LMBRD2: variants seen among roughly 807,000 people sequenced by gnomAD.
LMBRD2 encodes the protein LMBR1 domain containing 2.
Under a neutral mutation model 94.4 loss-of-function variants are expected in LMBRD2, and 55 were observed. The ratio of observed to expected loss-of-function variants is 0.58; its 90% CI spans 0.47 to 0.73. The LOEUF (loss-of-function observed/expected upper bound fraction) is 0.73. Ranked by LOEUF, LMBRD2 falls within the 30% of genes least tolerant of loss-of-function variation. The pLI, the probability that LMBRD2 is intolerant of heterozygous loss-of-function variation, is 0.00. For missense variants in LMBRD2, 640 were observed against 831.9 expected, an observed-to-expected ratio of 0.77 and a Z score of 2.84; for synonymous variants, 246 against 272.4, an observed-to-expected ratio of 0.90 and a Z score of 0.95.
At chr5:36,127,029 T>C (rs2111882091) in intron 6 of LMBRD2, among the ~76,000 whole-genome samples, 1 of 152,358 alleles carries the variant, frequency 6.6e-6, no homozygotes, top group African/African-American at 2.4e-5. Flanking sequence ...CATTATTCAG[T>C]AGTGATACCT....
intron 7 of LMBRD2, among the ~76,000 whole-genome samples, chr5:36,123,949 C>A (rs926402869): frequency 6.6e-6 from 1 of 151,770 alleles, no homozygotes; most frequent in Non-Finnish European, 1.5e-5. Flanking sequence ...ATTGTCATGA[C>A]AATCCTTATA....
intron 6 of LMBRD2, among the ~76,000 whole-genome samples, chr5:36,135,347 A>G (rs1385143172): frequency 3.3e-5 from 5 of 152,214 alleles, no homozygotes; most frequent in African/African-American, 9.6e-5. Flanking sequence ...GGCAAATAGT[A>G]AGTCTATATA....
At chr5:36,150,640 CA>C (rs1169213101) in intron 1 of LMBRD2, among the ~76,000 whole-genome samples, 2 of 152,346 alleles carry the variant, frequency 1.3e-5, no homozygotes, top group East Asian at 3.9e-4. Flanking sequence ...CAGGATATTG[CA>C]TTTTAAAATG....
At chr5:36,124,145 T>A (rs766293554) in intron 7 of LMBRD2, 46 bp downstream of exon 7, 1 of 1,091,742 alleles carries the variant, frequency 9.2e-7, no homozygotes, top group South Asian at 1.4e-5. Context: ...TATAATATTA[T>A]ATAAGTGTAT....
chr5:36,101,723 T>C lies in LMBRD2; in HGVS notation c.*2323A>G, dbSNP rs1743349692. The C allele has an allele frequency of 6.6e-6, 1 of 151,882 alleles. No individual in the cohort carries two copies. The highest frequency in any genetic ancestry group is 1.5e-5 in the Non-Finnish European group (1 of 67,832). The allele number at this position is 151,882 out of a possible 1,614,324, so 9.4% of individuals were successfully genotyped here. ...TCTGTAAGACAAATTCTGCTTAAAG[T>C]TGAATATTCTGAATCACTGAAACAA... On this transcript the variant is annotated 3_prime_UTR_variant, in exon 18 of 18. Transcript: ENST00000296603.
intron 9 of LMBRD2, among the ~76,000 whole-genome samples, chr5:36,120,097 T>C: frequency 6.6e-6 from 1 of 151,562 alleles, no homozygotes; most frequent in East Asian, 1.9e-4. Context: ...TCTCATTCTG[T>C]CCCCAGGCTG....
At position 36,127,486 on chromosome 5, in the gene LMBRD2, C is replaced by T. The variant is rs185139960; in HGVS notation, c.748-3221G>A. ...TCTTGGGGCCCCAGATTGCAGGACT[C>T]GGCTCTTAGACAGCATTGTTGAACC... On this transcript the variant is annotated intron_variant, in intron 6 of 17. Coordinates refer to ENST00000296603, the MANE Select transcript of LMBRD2 (RefSeq NM_001007527.2). Among the ~76,000 whole-genome samples the T allele has an allele frequency of 8.5e-5, 13 of 152,326 alleles. No homozygotes were observed. In the East Asian group the frequency reaches 2.3e-3, roughly 27 times the overall value.
At chr5:36,114,216 GAAT>G (rs1471278702) in intron 13 of LMBRD2, among the ~76,000 whole-genome samples, 1 of 151,966 alleles carries the variant, frequency 6.6e-6, no homozygotes, top group African/African-American at 2.4e-5. Context: ...TATTATAATA[GAAT>G]AATAACTCTA....
At chr5:36,116,649 A>G (rs1271738124) in intron 10 of LMBRD2, 56 bp from the exon 11 acceptor site, 24 of 1,520,320 alleles carry the variant, frequency 1.6e-5, no homozygotes, top group Non-Finnish European at 2.1e-5. Context: ...TTTAGCACTT[A>G]ACAATTACAG....
intron 1 of LMBRD2, among the ~76,000 whole-genome samples, chr5:36,146,905 C>T (rs1744555234): frequency 6.6e-6 from 1 of 151,374 alleles, no homozygotes; most frequent in Non-Finnish European, 1.5e-5. Context: ...TATCTCCTCA[C>T]TCACTTCTCT....
chr5:36,137,392 T>TCA lies in LMBRD2; in HGVS notation c.417_418insTG (p.Ile140Ter). On this transcript the variant is annotated frameshift_variant, in exon 5 of 18. Transcript: ENST00000296603. LOFTEE classifies it high-confidence loss of function. Reference sequence around the variant, plus strand: ...AGTGCAGTTTTGATCTTTCCAGTGATGGAAAACCCTCCTGATCTTGCATAT... The same window carrying TCA: ...AGTGCAGTTTTGATCTTTCCAGTGATCAGGAAAACCCTCCTGATCTTGCATAT... 6.2e-7 allele frequency: 1 copy of TCA among 1,600,324 alleles called. No homozygotes were observed. Among genetic ancestry groups the TCA allele is most frequent in the Admixed American group, 1.7e-5 (1 of 59,882 alleles).
At chr5:36,126,794 C>T (rs1310662303) in intron 6 of LMBRD2, among the ~76,000 whole-genome samples, 2 of 151,898 alleles carry the variant, frequency 1.3e-5, no homozygotes, top group Non-Finnish European at 2.9e-5. Context: ...AAATGGATAG[C>T]TGAAAAAATA....
In LMBRD2 at chr5:36,115,111, G is replaced by A; in HGVS notation, c.1446C>T (p.Cys482=). 6.2e-7 allele frequency: 1 copy of A among 1,600,802 alleles called. No individual in the cohort carries two copies. The highest frequency in any genetic ancestry group is 8.5e-7 in the Non-Finnish European group (1 of 1,172,082). The change falls in exon 12 of 18, where the codon TGC becomes TGT. Residue 482 remains cysteine (C), a synonymous_variant. Coordinates refer to ENST00000296603, the MANE Select transcript of LMBRD2 (RefSeq NM_001007527.2). ...TAAGACATAAAGGAGGTGTCAAACG[G>A]CAAAATAGCCTGCAACAAACATTTA... The part of the protein sequence containing the change: ...YSLLFSGMLF[C]RLTPPLCLNF...
rs796777306 is a variant in LMBRD2, at chr5:36,099,181, T to C, written c.*4865A>G. 5 of 152,154 alleles carry C rather than the reference T, an allele frequency of 3.3e-5. No homozygotes were observed. Among genetic ancestry groups the C allele is most frequent in the African/African-American group, 1.2e-4 (5 of 41,516 alleles). 9.4% of individuals were successfully genotyped at this position (152,154 alleles called of 1,614,324 possible). On this transcript the variant is annotated 3_prime_UTR_variant, in exon 18 of 18. Transcript: ENST00000296603. Reference sequence around the variant, plus strand: ...ACTTTAGAATACTGTCCTAAGGAAATAGGTCTGGGCAGAACTTATTTGAGA... The same window carrying C: ...ACTTTAGAATACTGTCCTAAGGAAACAGGTCTGGGCAGAACTTATTTGAGA...
At chr5:36,140,776 C>G (rs553254507) in intron 4 of LMBRD2, among the ~76,000 whole-genome samples, 5 of 151,932 alleles carry the variant, frequency 3.3e-5, no homozygotes, top group Non-Finnish European at 5.9e-5. Context: ...AGAAAGCAAA[C>G]TAAAAAAAAC....
At chr5:36,115,249 T>C (rs1009758526) in intron 11 of LMBRD2, 129 bp from the exon 12 acceptor site, 6 of 542,742 alleles carry the variant, frequency 1.1e-5, no homozygotes, top group Admixed American at 1.1e-4. Context: ...GCTTTATATA[T>C]ATATTGAATT....
At chr5:36,148,645 G>C (rs1383362831) in intron 1 of LMBRD2, among the ~76,000 whole-genome samples, 3 of 152,066 alleles carry the variant, frequency 2.0e-5, no homozygotes, top group Admixed American at 6.6e-5. Context: ...AGTAAGAAAG[G>C]GCTGTTCGTT....
intron 6 of LMBRD2, among the ~76,000 whole-genome samples, chr5:36,124,808 G>C (rs1743972186): frequency 6.6e-6 from 1 of 152,096 alleles, no homozygotes; most frequent in African/African-American, 2.4e-5. Flanking sequence ...CAGCACTTTG[G>C]GAGGCTGAGA....
intron 4 of LMBRD2, 159 bp downstream of exon 4, chr5:36,140,948 G>C (rs1251078955): frequency 3.8e-6 from 2 of 525,626 alleles, no homozygotes; most frequent in Non-Finnish European, 6.8e-6. Flanking sequence ...GTAGACAGTG[G>C]ATAACTATGA....
Sources: gnomAD v4.1 joint callset for allele counts (sites outside exome capture counted in the v4.1 genomes callset) on GRCh38, gnomAD v4.1.1 for gene constraint, MANE v1.5 for transcripts, NCBI Gene and HGNC (gene_info 2026-07-23, HGNC 2026-07-21) for gene names.